GPR149: variants seen among roughly 807,000 people sequenced by gnomAD.
GPR149 encodes the protein G protein-coupled receptor 149.
In GPR149, 50 loss-of-function variants were observed where a neutral mutation model predicts 50.2. That is an observed-to-expected ratio of 1.00 (90% CI 0.79 to 1.26). The LOEUF (loss-of-function observed/expected upper bound fraction) is 1.26, where lower values mean the gene tolerates loss of function less well. Among genes scored for constraint, GPR149 ranks in the 50% most tolerant of loss-of-function variants. GPR149 has a pLI of 0.00. For synonymous variants in GPR149, 405 were observed against 358.2 expected (o/e 1.13, Z -1.48); for missense variants, 983 against 895.4 (o/e 1.10, Z -1.25).
At chr3:154,353,577 AT>A in intron 3 of GPR149, 1 of 1,086,548 alleles carries the variant, frequency 9.2e-7, no homozygotes, top group Non-Finnish European at 1.4e-6. Flanking sequence ...CATATGATTA[AT>A]TTGGCTTTGA....
chr3:154,362,863 CA>C (rs1284613277), intron 3 of GPR149, among the ~76,000 whole-genome samples: 2 of 152,030 alleles, frequency 1.3e-5, no homozygotes, highest in Non-Finnish European at 2.9e-5. Context: ...AACCTGGATC[CA>C]TCCATGTGTC....
At chr3:154,348,993 G>A (rs1321310256) in intron 3 of GPR149, among the ~76,000 whole-genome samples, 1 of 151,828 alleles carries the variant, frequency 6.6e-6, no homozygotes, top group Non-Finnish European at 1.5e-5. Flanking sequence ...GAATCTCCAA[G>A]CCCTTGGAAA....
rs573637979 is a variant in GPR149, at chr3:154,420,812, GT to G, written c.1623+226del. ...ATTCCCTACCCTTCTTAAAGAGCCT[GT>G]TTAACTCTTCCTATTATAAAATGTA... On this transcript the variant is annotated intron_variant, in intron 3 of 3. Transcript: ENST00000389740. Among the ~76,000 whole-genome samples the G allele has an allele frequency of 2.4e-3, 372 of 152,020 alleles. 2 individuals carry two copies. The highest frequency in any genetic ancestry group is 8.1e-3 in the African/African-American group (338 of 41,520).
rs1553764330 is a variant in GPR149, at chr3:154,374,169, C to CTTTTCTT, written c.1624-35899_1624-35898insAAGAAAA. 1.3e-3 allele frequency among the ~76,000 whole-genome samples: 132 copies of CTTTTCTT among 103,146 alleles called. 1 individual carries two copies. Among genetic ancestry groups the CTTTTCTT allele is most frequent in the African/African-American group, 4.9e-3 (125 of 25,760 alleles). 67.7% of individuals were successfully genotyped at this position (103,146 alleles called of 152,430 possible). ...TTCTTTCTTTCTTTTCTTTTCTTTTCTTTTTTTTTTTTTTTTGAGACAGAG... is the reference window on the plus strand; with the variant it reads ...TTCTTTCTTTCTTTTCTTTTCTTTTCTTTTCTTTTTTTTTTTTTTTTTTGAGACAGAG... On this transcript the variant is annotated intron_variant, in intron 3 of 3. Transcript: ENST00000389740.
intron 3 of GPR149, among the ~76,000 whole-genome samples, chr3:154,373,011 G>T (rs938985023): frequency 6.6e-6 from 1 of 152,070 alleles, no homozygotes; most frequent in Non-Finnish European, 1.5e-5. Flanking sequence ...TGGGTCTAGG[G>T]CATGGTGCTC....
rs372887362 is a variant in GPR149, at chr3:154,337,990, T to A, written c.1905A>T (p.Ser635=). 6.2e-7 allele frequency: 1 copy of A among 1,614,070 alleles called. No individual in the cohort carries two copies. Among genetic ancestry groups the A allele is most frequent in the Non-Finnish European group, 8.5e-7 (1 of 1,180,028 alleles). ...CDNEEALDTV[S]IISNISQSST... The stretch of plus-strand genomic sequence containing the variant: ...AGGACTGACTGATGTTACTAATGAT[T>A]GACACAGTGTCCAAGGCCTCTTCAT... Residue 635 remains serine (S), a synonymous_variant, in exon 4 of 4, where the codon TCA becomes TCT. Coordinates refer to ENST00000389740, the MANE Select transcript of GPR149 (RefSeq NM_001038705.3).
intron 3 of GPR149, among the ~76,000 whole-genome samples, chr3:154,398,888 T>C (rs1358636263): frequency 6.6e-6 from 1 of 152,128 alleles, no homozygotes. Flanking sequence ...TTTGCTCAAA[T>C]TAACGTACAA....
intron 2 of GPR149, among the ~76,000 whole-genome samples, chr3:154,426,259 CAA>C (rs1000267073): frequency 6.6e-6 from 1 of 152,076 alleles, no homozygotes; most frequent in African/African-American, 2.4e-5. Flanking sequence ...GCATTCTTAA[CAA>C]TAAAAAATTT....
chr3:154,365,046 C>T (rs1051058261), intron 3 of GPR149, among the ~76,000 whole-genome samples: 1 of 152,216 alleles, frequency 6.6e-6, no homozygotes, highest in Admixed American at 6.5e-5. Flanking sequence ...AGCCACCCTG[C>T]TCCTGTGGCA....
At chr3:154,426,057 T>C (rs2108431971) in intron 2 of GPR149, among the ~76,000 whole-genome samples, 1 of 152,302 alleles carries the variant, frequency 6.6e-6, no homozygotes, top group East Asian at 1.9e-4. Flanking sequence ...ATTAGAATGT[T>C]AGAGTTTTGA....
intron 3 of GPR149, among the ~76,000 whole-genome samples, chr3:154,365,618 C>G (rs1714512443): frequency 6.6e-6 from 1 of 152,140 alleles, no homozygotes; most frequent in African/African-American, 2.4e-5. Context: ...TAAGAAAAGC[C>G]ATGCACCACC....
intron 3 of GPR149, among the ~76,000 whole-genome samples, chr3:154,360,228 G>T (rs1424690059): frequency 2.0e-5 from 3 of 152,182 alleles, no homozygotes; most frequent in African/African-American, 7.2e-5. Flanking sequence ...CTTACAAACA[G>T]TTTCAGGGGG....
chr3:154,355,282 T>C (rs1576902752), intron 3 of GPR149, among the ~76,000 whole-genome samples: 1 of 152,334 alleles, frequency 6.6e-6, no homozygotes, highest in African/African-American at 2.4e-5. Context: ...CACCTTGGCC[T>C]CCCAAAGTGC....
In GPR149 at chr3:154,429,554, T is replaced by C. The variant is rs1712427112; in HGVS notation, c.62A>G (p.Asn21Ser). 6.2e-7 allele frequency: 1 copy of C among 1,613,906 alleles called. No individual in the cohort carries two copies. The highest frequency in any genetic ancestry group is 1.3e-5 in the African/African-American group (1 of 74,928). The stretch of plus-strand genomic sequence containing the variant: ...TGGCGGATTTAAAAGGTCCGTAGAA[T>C]TATGATTCTCTTTCCACAGGCTAGA... ...NDSSLWKENH[N>S]STDLLNPPGT... The change falls in exon 1 of 4, where the codon AAT becomes AGT. Residue 21 changes from asparagine to serine, a missense_variant. Transcript: ENST00000389740.
intron 3 of GPR149, among the ~76,000 whole-genome samples, chr3:154,361,772 A>G (rs997760707): frequency 2.0e-5 from 3 of 152,204 alleles, no homozygotes; most frequent in African/African-American, 7.2e-5. Context: ...TTCGAGGAAC[A>G]TTAAATGCAC....
intron 1 of GPR149, 144 bp from the exon 2 acceptor site, chr3:154,427,852 C>G: frequency 1.3e-6 from 1 of 796,106 alleles, no homozygotes; most frequent in Non-Finnish European, 1.9e-6. Context: ...AGCTGGCTCC[C>G]TGTCCTTGGT....
In GPR149 at chr3:154,428,797, G is replaced by A. The variant is rs532618344; in HGVS notation, c.819C>T (p.Thr273=). ...RSGGCSPSSD[T]VFGPGAPAAA... ...CAGCGGGCGCACCCGGTCCGAACAC[G>A]GTGTCGGAGCTCGGAGAGCATCCCC... Residue 273 remains threonine, a synonymous_variant, in exon 1 of 4, where the codon ACC becomes ACT. Transcript: ENST00000389740. 4 of 1,613,864 alleles carry A rather than the reference G, an allele frequency of 2.5e-6. No homozygotes were observed. Among genetic ancestry groups the A allele is most frequent in the Non-Finnish European group, 3.4e-6 (4 of 1,180,008 alleles).
intron 3 of GPR149, among the ~76,000 whole-genome samples, chr3:154,359,218 T>C (rs1714323403): frequency 6.6e-6 from 1 of 152,188 alleles, no homozygotes; most frequent in South Asian, 2.1e-4. Context: ...CTTAAAAACA[T>C]AACATATGGC....
At chr3:154,382,997 C>G (rs567294050) in intron 3 of GPR149, among the ~76,000 whole-genome samples, 80 of 152,136 alleles carry the variant, frequency 5.3e-4, no homozygotes, top group African/African-American at 1.9e-3. Context: ...GATCTGGAAA[C>G]AATACAGAAT....
Sources: allele counts gnomAD v4.1 joint callset (sites outside exome capture counted in the v4.1 genomes callset), GRCh38; gene constraint gnomAD v4.1.1; transcripts MANE v1.5; gene names NCBI Gene and HGNC (gene_info 2026-07-23, HGNC 2026-07-21).